The following SRRM2 variants were observed in gnomAD, a reference collection of about 807,000 sequenced individuals.
SRRM2 encodes serine/arginine repetitive matrix 2.
SRRM2 carries 30 observed loss-of-function variants against 213.8 expected under a neutral mutation model. The ratio of observed to expected loss-of-function variants is 0.14; its 90% CI spans 0.10 to 0.19. The LOEUF (loss-of-function observed/expected upper bound fraction) is 0.19, where lower values mean the gene tolerates loss of function less well. Ranked by LOEUF, SRRM2 falls within the 10% of genes least tolerant of loss-of-function variation. The pLI is 1.00. For missense variants in SRRM2, 4,904 were observed against 3,647.0 expected (o/e 1.34, Z -8.88); for synonymous variants, 2,025 against 1,377.7 (o/e 1.47, Z -10.40).
intron 7 of SRRM2, 21 bp downstream of exon 7, chr16:2,759,193 A>C: frequency 5.6e-6 from 9 of 1,613,754 alleles, no homozygotes; most frequent in Non-Finnish European, 7.6e-6. Flanking sequence ...TTTAACTCAT[A>C]GGGGGCGCAG....
chr16:2,754,325 G>T (rs1217398842), intron 1 of SRRM2, among the ~76,000 whole-genome samples: 7 of 151,016 alleles, frequency 4.6e-5, no homozygotes, highest in East Asian at 3.9e-4. Flanking sequence ...ACGGAGTCTA[G>T]CTCTGTTGGC....
rs369213768 is a variant in SRRM2 at position 2,762,974 on chromosome 16, C to T, written c.2446C>T (p.Arg816Cys). Reference protein sequence around the residue: ...AKSRTPPRRSRSSSSPPPKQK... With the variant: ...AKSRTPPRRSCSSSSPPPKQK... ...ATCTAGAACGCCACCCAGACGCAGT[C>T]GCTCCAGTTCTTCTCCGCCACCTAA... Residue 816 changes from arginine to cysteine, a missense_variant, in exon 11 of 15, where the codon CGC becomes TGC. Physicochemically the swap from Arg to Cys is radical, Grantham distance 180. Transcript: ENST00000301740. 6.8e-6 allele frequency: 11 copies of T among 1,613,960 alleles called. No individual in the cohort carries two copies. The highest frequency in any genetic ancestry group is 5.3e-5 in the African/African-American group (4 of 74,880).
In SRRM2 at chr16:2,759,894, A is replaced by G; in HGVS notation, c.833+233A>G. 3 of 548,398 alleles carry G rather than the reference A, an allele frequency of 5.5e-6. No homozygotes were observed. The South Asian group carries it at 7.0e-5, about 13-fold the overall frequency. 34.0% of individuals were successfully genotyped at this position (548,398 alleles called of 1,614,324 possible). On this transcript the variant is annotated intron_variant, in intron 9 of 14. Coordinates refer to ENST00000301740, the MANE Select transcript of SRRM2 (RefSeq NM_016333.4). The stretch of plus-strand genomic sequence containing the variant: ...TTATTTTTGTTTCGTTCTGATGTAT[A>G]TGGACTGCCAGAATAGGGGGGGTGG...
Position 2,771,097 on chromosome 16 carries a change from G to GTGGC in SRRM2, c.*230_*231insTGGC. The GTGGC allele has an allele frequency of 3.0e-6, 1 of 336,638 alleles. No homozygotes were observed. The allele number at this position is 336,638 out of a possible 1,614,324, so 20.9% of individuals were successfully genotyped here. Reference sequence around the variant, plus strand: ...GTTCTGGGGGGTTTGGGGTGGGAGGGAATGCAGATGGGAGTTGGGGGAGGG... The same window carrying GTGGC: ...GTTCTGGGGGGTTTGGGGTGGGAGGGTGGCAATGCAGATGGGAGTTGGGGGAGGG... On this transcript the variant is annotated 3_prime_UTR_variant, in exon 15 of 15. Coordinates refer to ENST00000301740, the MANE Select transcript of SRRM2 (RefSeq NM_016333.4).
In SRRM2 at chr16:2,766,944, T is replaced by C; in HGVS notation, c.6416T>C (p.Leu2139Pro). 6.2e-7 allele frequency: 1 copy of C among 1,614,118 alleles called. No homozygotes were observed. Among genetic ancestry groups the C allele is most frequent in the Non-Finnish European group, 8.5e-7 (1 of 1,180,014 alleles). ...RCRSPGMLEPLGSSRTPMSVL... is the reference protein window; with the variant it reads ...RCRSPGMLEPPGSSRTPMSVL... ...AGATCACCTGGAATGCTTGAACCCC[T>C]TGGCAGCTCTAGAACACCCATGTCT... The change falls in exon 11 of 15, where the codon CTT becomes CCT. Residue 2139 changes from leucine to proline, a missense_variant. Leu to Pro is a moderately conservative substitution (Grantham distance 98). Transcript: ENST00000301740. The surrounding 1 kb of genome is among the most constrained non-coding windows in gnomAD (Gnocchi z 7.0).
rs2068529777 is a variant in SRRM2 at position 2,766,029 on chromosome 16, C to T, written c.5501C>T (p.Ser1834Phe). 6.2e-7 allele frequency: 1 copy of T among 1,614,058 alleles called. No individual in the cohort carries two copies. Among genetic ancestry groups the T allele is most frequent in the Non-Finnish European group, 8.5e-7 (1 of 1,180,030 alleles). ...SPARQESSRT[S>F]SRRRRGRSRT... ...GCCCGGCAGGAAAGTTCCCGGACCT[C>T]CTCTCGACGCCGAAGAGGCCGCTCT... The change falls in exon 11 of 15, where the codon TCC becomes TTC. Residue 1834 changes from serine (S) to phenylalanine (F), a missense_variant. By Grantham distance (155) the Ser-to-Phe change is radical (BLOSUM62 -2). Transcript: ENST00000301740. This position sits in a 1 kb window ranked among gnomAD's most constrained non-coding sequence, Gnocchi z 7.0.
chr16:2,763,902 C>T lies in SRRM2; in HGVS notation c.3374C>T (p.Pro1125Leu), dbSNP rs150009454. Residue 1125 changes from proline to leucine, a missense_variant, in exon 11 of 15, where the codon CCT becomes CTT. By Grantham distance (98) the Pro-to-Leu change is moderately conservative (BLOSUM62 -3). Coordinates refer to ENST00000301740, the MANE Select transcript of SRRM2 (RefSeq NM_016333.4). ...RQDRGEFSAS[P>L]MLKSGMSPEQ... ...GATAGAGGTGAGTTCTCAGCGAGTC[C>T]TATGTTGAAATCTGGAATGTCTCCT... 13 of 1,614,190 alleles carry T rather than the reference C, an allele frequency of 8.1e-6. No homozygotes were observed. Among genetic ancestry groups the T allele is most frequent in the East Asian group, 4.5e-5 (2 of 44,890 alleles).
In SRRM2 at chr16:2,759,554, G is replaced by C; in HGVS notation, c.741-15G>C. 6.2e-7 allele frequency: 1 copy of C among 1,613,884 alleles called. No homozygotes were observed. The highest frequency in any genetic ancestry group is 1.1e-5 in the South Asian group (1 of 91,082). On this transcript the variant is annotated splice_polypyrimidine_tract_variant and intron_variant, in intron 8 of 14. Coordinates refer to ENST00000301740, the MANE Select transcript of SRRM2 (RefSeq NM_016333.4). ...TACAGCAGTACCCTGAGCTGTGGTGGTGGTCTTCCTTCAGGTCTCGAAGTA... is the reference window on the plus strand; with the variant it reads ...TACAGCAGTACCCTGAGCTGTGGTGCTGGTCTTCCTTCAGGTCTCGAAGTA...
In SRRM2 at chr16:2,764,274, C is replaced by G. The variant is rs748318578; in HGVS notation, c.3746C>G (p.Ala1249Gly). ...GTGGTAGAGAAGTCTGAAGAACCCG[C>G]AGGCCAAATCCTGTCTCATTTGTCT... ...MEVVEKSEEP[A>G]GQILSHLSSE... Residue 1249 changes from alanine to glycine, a missense_variant, in exon 11 of 15, where the codon GCA becomes GGA. Transcript: ENST00000301740. 1 of 1,613,752 alleles carries G rather than the reference C, an allele frequency of 6.2e-7. No homozygotes were observed. Among genetic ancestry groups the G allele is most frequent in the Non-Finnish European group, 8.5e-7 (1 of 1,179,958 alleles).
rs764917814 is a variant in SRRM2, at chr16:2,764,297, T to C, written c.3769T>C (p.Ser1257Pro). 6.2e-7 allele frequency: 1 copy of C among 1,614,098 alleles called. No individual in the cohort carries two copies. The highest frequency in any genetic ancestry group is 1.1e-5 in the South Asian group (1 of 91,024). The change falls in exon 11 of 15, where the codon TCT (serine) becomes CCT (proline). Residue 1257 changes from serine (S) to proline (P), a missense_variant. Physicochemically the swap from Ser to Pro is moderately conservative, Grantham distance 74. Transcript: ENST00000301740. ...EPAGQILSHLSSELKEMSTSN... is the reference protein window; with the variant it reads ...EPAGQILSHLPSELKEMSTSN... ...CGCAGGCCAAATCCTGTCTCATTTG[T>C]CTTCAGAACTTAAAGAAATGTCCAC...
chr16:2,757,764 GC>G lies in SRRM2; in HGVS notation c.351-14del. The G allele has an allele frequency of 6.2e-7, 1 of 1,611,354 alleles. No individual in the cohort carries two copies. The highest frequency in any genetic ancestry group is 8.5e-7 in the Non-Finnish European group (1 of 1,178,518). On this transcript the variant is annotated splice_polypyrimidine_tract_variant and intron_variant, in intron 3 of 14. Transcript: ENST00000301740. ...TCCTTTATATTTCCTTCAGACTTTT[GC>G]CCTTCTTTTCTCTAGGGTCACGGAG...
In SRRM2 at chr16:2,761,962, C is replaced by T. The variant is rs778882573; in HGVS notation, c.1434C>T (p.Ser478=). ...ATAAATCACATTCTCATACCCCCTC[C>T]CGTAGGATGGGGAGGTCCCGTAGCC... The part of the protein sequence containing the change: ...KRDKSHSHTP[S]RRMGRSRSPA... Residue 478 remains serine, a synonymous_variant, in exon 11 of 15, where the codon TCC becomes TCT. Coordinates refer to ENST00000301740, the MANE Select transcript of SRRM2 (RefSeq NM_016333.4). 1.2e-6 allele frequency: 2 copies of T among 1,614,106 alleles called. No individual in the cohort carries two copies. Among genetic ancestry groups the T allele is most frequent in the Non-Finnish European group, 1.7e-6 (2 of 1,180,006 alleles).
Position 2,766,661 on chromosome 16 carries a change from C to T in SRRM2, c.6133C>T (p.Arg2045Cys), listed in dbSNP as rs149912035. 2.2e-5 allele frequency: 35 copies of T among 1,613,444 alleles called. No individual in the cohort carries two copies. Among genetic ancestry groups the T allele is most frequent in the South Asian group, 7.7e-5 (7 of 91,048 alleles). ...GTTACCACGCAAACGTTCTCGAAGT[C>T]GCTCACCACTTGCTATCCGCCGCCG... is the stretch of plus-strand genomic sequence containing the variant. ...PLLPRKRSRS[R>C]SPLAIRRRSR... The change falls in exon 11 of 15, where the codon CGC becomes TGC. Residue 2045 changes from arginine to cysteine, a missense_variant. Coordinates refer to ENST00000301740, the MANE Select transcript of SRRM2 (RefSeq NM_016333.4). The surrounding 1 kb of genome is among the most constrained non-coding windows in gnomAD (Gnocchi z 7.0).
rs2068403748 is a variant in SRRM2 at position 2,762,770 on chromosome 16, G to C, written c.2242G>C (p.Glu748Gln). ...AAGAAGCAGGTCCAATTCAAGCCCA[G>C]AAATGAAGAAATCTCGCATTTCTTC... is the stretch of plus-strand genomic sequence containing the variant. Reference protein sequence around the residue: ...QRRSRSNSSPEMKKSRISSRR... With the variant: ...QRRSRSNSSPQMKKSRISSRR... The change falls in exon 11 of 15, where the codon GAA becomes CAA. Residue 748 changes from glutamate to glutamine, a missense_variant. Glu to Gln is a conservative substitution (Grantham distance 29, BLOSUM62 2). Coordinates refer to ENST00000301740, the MANE Select transcript of SRRM2 (RefSeq NM_016333.4). 6.2e-7 allele frequency: 1 copy of C among 1,614,180 alleles called. No homozygotes were observed. The highest frequency in any genetic ancestry group is 2.2e-5 in the East Asian group (1 of 44,882).
rs35402245 is a variant in SRRM2, at chr16:2,763,976, T to C, written c.3448T>C (p.Ser1150Pro). 59 of 1,614,080 alleles carry C rather than the reference T, an allele frequency of 3.7e-5. No homozygotes were observed. The highest frequency in any genetic ancestry group is 4.7e-5 in the Non-Finnish European group (55 of 1,180,046). Residue 1150 changes from serine (S) to proline (P), a missense_variant, in exon 11 of 15, where the codon TCG (serine) becomes CCG (proline). Physicochemically the swap from Ser to Pro is moderately conservative, Grantham distance 74 (BLOSUM62 -1). Transcript: ENST00000301740. ...CTCTTCTTCATATCCTACAGTGGACTCGAATTCTCTCTTGGGGCAGAGTAG... is the reference window on the plus strand; with the variant it reads ...CTCTTCTTCATATCCTACAGTGGACCCGAATTCTCTCTTGGGGCAGAGTAG... ...SDSSSYPTVDSNSLLGQSRLE... is the reference protein window; with the variant it reads ...SDSSSYPTVDPNSLLGQSRLE...
At position 2,766,061 on chromosome 16, in the gene SRRM2, C is replaced by A. The variant is rs375391967; in HGVS notation, c.5533C>A (p.Pro1845Thr). The part of the protein sequence containing the change: ...SRRRRGRSRT[P>T]PTSRKRSRSR... ...ACGCCGAAGAGGCCGCTCTCGGACA[C>A]CCCCAACCAGTCGGAAGCGTTCTCG... Residue 1845 changes from proline to threonine, a missense_variant, in exon 11 of 15, where the codon CCC becomes ACC. Pro to Thr is a conservative substitution (Grantham distance 38). Coordinates refer to ENST00000301740, the MANE Select transcript of SRRM2 (RefSeq NM_016333.4). This position sits in a 1 kb window ranked among gnomAD's most constrained non-coding sequence, Gnocchi z 7.0. 1 of 1,614,150 alleles carries A rather than the reference C, an allele frequency of 6.2e-7. No individual in the cohort carries two copies. Among genetic ancestry groups the A allele is most frequent in the Non-Finnish European group, 8.5e-7 (1 of 1,180,024 alleles).
intron 2 of SRRM2, 97 bp from the exon 3 acceptor site, chr16:2,757,375 G>A (rs2068182056): frequency 9.7e-7 from 1 of 1,028,596 alleles, no homozygotes; most frequent in Non-Finnish European, 1.5e-6. Context: ...TGTGCGCATG[G>A]AGAGGGAGGG....
chr16:2,767,236 T>C lies in SRRM2; in HGVS notation c.6708T>C (p.Ser2236=). 3 of 1,614,140 alleles carry C rather than the reference T, an allele frequency of 1.9e-6. No homozygotes were observed. The highest frequency in any genetic ancestry group is 2.5e-6 in the Non-Finnish European group (3 of 1,180,038). Reference sequence around the variant, plus strand: ...TTGCCAGCAGGATTCCTGCAGCCTCTGCGGCAGCCATGAACCTAGCCAGCG... The same window carrying C: ...TTGCCAGCAGGATTCCTGCAGCCTCCGCGGCAGCCATGAACCTAGCCAGCG... ...ANLASRIPAA[S]AAAMNLASAR... Residue 2236 remains serine, a synonymous_variant, in exon 11 of 15, where the codon TCT becomes TCC. Transcript: ENST00000301740.
In SRRM2 at chr16:2,765,668, C is replaced by T. The variant is rs757751729; in HGVS notation, c.5140C>T (p.Pro1714Ser). The T allele has an allele frequency of 6.2e-7, 1 of 1,614,146 alleles. No homozygotes were observed. The highest frequency in any genetic ancestry group is 1.1e-5 in the South Asian group (1 of 91,074). Residue 1714 changes from proline to serine, a missense_variant, in exon 11 of 15, where the codon CCA (proline) becomes TCA (serine). Physicochemically the swap from Pro to Ser is moderately conservative, Grantham distance 74. Transcript: ENST00000301740. ...TAGAAGCCGCTCTGCCTCATCCTCA[C>T]CAGAAACTCGCTCTAGAACTCCCCC... Reference protein sequence around the residue: ...SRRSRSASSSPETRSRTPPRH... With the variant: ...SRRSRSASSSSETRSRTPPRH...
Sources: gnomAD v4.1 joint callset for allele counts (sites outside exome capture counted in the v4.1 genomes callset) on GRCh38, gnomAD v4.1.1 for gene constraint, Gnocchi (gnomAD v3.1) non-coding constraint, MANE v1.5 for transcripts, NCBI Gene and HGNC (gene_info 2026-07-23, HGNC 2026-07-21) for gene names.